The following FLT4 variants were observed in gnomAD, a reference collection of about 807,000 sequenced individuals.
FLT4 encodes vascular endothelial growth factor receptor 3.
FLT4 carries 30 observed loss-of-function variants against 163.2 expected under a neutral mutation model. The observed-to-expected ratio is 0.18, with a 90% CI of 0.14 to 0.25. The LOEUF (loss-of-function observed/expected upper bound fraction) is 0.25. Among genes scored for constraint, FLT4 ranks in the 10% least tolerant of loss-of-function variants. The probability of loss-of-function intolerance (pLI) is 1.00; values close to 1 mark genes in which losing one functional copy is unlikely to be tolerated. For synonymous variants in FLT4, 884 were observed against 789.5 expected, an observed-to-expected ratio of 1.12 and a Z score of -2.01; for missense variants, 1,510 against 1,863.8, an observed-to-expected ratio of 0.81 and a Z score of 3.50.
At chr5:180,650,069 C>A (rs550197976), upstream of FLT4, among the ~76,000 whole-genome samples, 10 of 151,072 alleles carry the variant, frequency 6.6e-5, no homozygotes, top group Middle Eastern at 3.4e-3. Context: ...CGCCTGTAAT[C>A]CCAGCTTCTC....
intron 27 of FLT4, 72 bp downstream of exon 27, chr5:180,611,259 G>T: frequency 6.4e-7 from 1 of 1,552,588 alleles, no homozygotes; most frequent in Non-Finnish European, 8.8e-7. Flanking sequence ...CCCCGATGAC[G>T]CAGAGGGATA....
intron 11 of FLT4, 49 bp from the exon 12 acceptor site, chr5:180,622,888 A>T (rs1338213305): frequency 7.7e-7 from 1 of 1,294,090 alleles, no homozygotes; most frequent in Non-Finnish European, 1.1e-6. Flanking sequence ...AGTTCTCCCA[A>T]CCTGGGCCCT....
intron 29 of FLT4, among the ~76,000 whole-genome samples, chr5:180,608,585 G>T (rs1484100947): frequency 6.6e-6 from 1 of 152,192 alleles, no homozygotes; most frequent in Non-Finnish European, 1.5e-5. Flanking sequence ...TCAGATTACA[G>T]TATCTACCCG....
chr5:180,629,921 G>A (rs1191328348), intron 5 of FLT4, 22 bp downstream of exon 5: 5 of 1,612,168 alleles, frequency 3.1e-6, no homozygotes, highest in Non-Finnish European at 4.2e-6. Context: ...CCGTTACTGG[G>A]AACGGGGCAC....
In FLT4 at chr5:180,617,078, T is replaced by C; in HGVS notation, c.3002-84A>G. 5.2e-6 allele frequency: 5 copies of C among 964,090 alleles called. No individual in the cohort carries two copies. In the South Asian group the frequency reaches 6.5e-5, roughly 13 times the overall value. The allele number at this position is 964,090 out of a possible 1,614,324, so 59.7% of individuals were successfully genotyped here. A position where few individuals can be genotyped will look rare whatever the true frequency, so the allele number is the denominator to read the frequency against. ...AGCCCCAGGGAACAGCTAACAAGCA[T>C]GTCAGCCCCTCTCCTGCCCCTCAGA... On this transcript the variant is annotated intron_variant, in intron 21 of 29. Transcript: ENST00000261937.
intron 1 of FLT4, among the ~76,000 whole-genome samples, chr5:180,647,000 C>T (rs1765523196): frequency 6.6e-6 from 1 of 152,112 alleles, no homozygotes; most frequent in South Asian, 2.1e-4. Flanking sequence ...TCCCCAGGCC[C>T]AAGTAAAGTG....
intron 13 of FLT4, 74 bp downstream of exon 13, chr5:180,621,468 C>G (rs2127816057): frequency 6.3e-7 from 1 of 1,576,892 alleles, no homozygotes; most frequent in Non-Finnish European, 8.6e-7. Flanking sequence ...AGGGGCGAGC[C>G]ACGCCGGGGC....
At position 180,613,882 on chromosome 5, in the gene FLT4, C is replaced by T. The variant is rs181213422; in HGVS notation, c.3331+186G>A. ...GGGTGGCCCACGTTGGAGGCAAAGT[C>T]CTCTCGGAGGCTGGGCCAGGCTGGG... On this transcript the variant is annotated intron_variant, in intron 24 of 29. Coordinates refer to ENST00000261937, the MANE Select transcript of FLT4 (RefSeq NM_182925.5). The T allele has an allele frequency of 9.4e-5, 63 of 667,090 alleles. No individual in the cohort carries two copies. In the Admixed American group the frequency reaches 1.0e-3, roughly 11 times the overall value. The allele number at this position is 667,090 out of a possible 1,614,324, so 41.3% of individuals were successfully genotyped here. A position where few individuals can be genotyped will look rare whatever the true frequency, so the allele number is the denominator to read the frequency against.
chr5:180,602,666 T>G lies in FLT4; in HGVS notation c.*526A>C, dbSNP rs1244338558. 4 of 412,082 alleles carry G rather than the reference T, an allele frequency of 9.7e-6. No homozygotes were observed. 25.5% of individuals were successfully genotyped at this position (412,082 alleles called of 1,614,324 possible). ...GACCCTGCAAATGCCTTCTTTGAGATGGAAACACAGCCCCTCCCTTCAACT... is the reference window on the plus strand; with the variant it reads ...GACCCTGCAAATGCCTTCTTTGAGAGGGAAACACAGCCCCTCCCTTCAACT... On this transcript the variant is annotated 3_prime_UTR_variant, in exon 30 of 30. Coordinates refer to ENST00000261937, the MANE Select transcript of FLT4 (RefSeq NM_182925.5).
At chr5:180,629,602 G>A in intron 6 of FLT4, 94 bp downstream of exon 6, 2 of 1,508,846 alleles carry the variant, frequency 1.3e-6, no homozygotes, top group Non-Finnish European at 1.8e-6. Context: ...GGCAGGCCTG[G>A]GCCCACACAT....
chr5:180,638,702 T>G (rs146881602), intron 1 of FLT4, among the ~76,000 whole-genome samples: 1 of 152,280 alleles, frequency 6.6e-6, no homozygotes, highest in East Asian at 1.9e-4. Flanking sequence ...GATTGTTCTG[T>G]GCCCCCAGGC....
chr5:180,628,179 C>T (rs918099702), intron 8 of FLT4, among the ~76,000 whole-genome samples: 2 of 152,190 alleles, frequency 1.3e-5, no homozygotes, highest in African/African-American at 2.4e-5. Context: ...TCTGCTTCCT[C>T]GTCTATGCAA....
At chr5:180,627,210 CACT>C (rs1481415653) in intron 8 of FLT4, among the ~76,000 whole-genome samples, 1 of 152,200 alleles carries the variant, frequency 6.6e-6, no homozygotes, top group Non-Finnish European at 1.5e-5. Context: ...AGAGATACAC[CACT>C]GTGTCCTGGG....
chr5:180,645,347 G>C (rs1765439497), intron 1 of FLT4, among the ~76,000 whole-genome samples: 1 of 152,242 alleles, frequency 6.6e-6, no homozygotes, highest in Non-Finnish European at 1.5e-5. Context: ...CCGTGGGGCA[G>C]CCAGCTATGC....
chr5:180,606,277 G>C (rs978419698), intron 29 of FLT4, among the ~76,000 whole-genome samples: 1 of 152,170 alleles, frequency 6.6e-6, no homozygotes, highest in African/African-American at 2.4e-5. Flanking sequence ...AGCATCCAAG[G>C]GGCTGCACTC....
rs368835407 is a variant in FLT4 at position 180,621,077 on chromosome 5, C to T, written c.2167+29G>A. ...TCGTCGGCCTCGCGGGCCTCCGGAC[C>T]TGCCCTTCGCCAGGGCCACCCTCCC... On this transcript the variant is annotated intron_variant, in intron 14 of 29. Transcript: ENST00000261937. 21 of 1,612,592 alleles carry T rather than the reference C, an allele frequency of 1.3e-5. No individual in the cohort carries two copies. The Admixed American group carries it at 2.3e-4, about 18-fold the overall frequency.
At position 180,611,348 on chromosome 5, in the gene FLT4, G is replaced by A. The variant is rs777762393; in HGVS notation, c.3669C>T (p.Arg1223=). 3 of 1,613,806 alleles carry A rather than the reference G, an allele frequency of 1.9e-6. No homozygotes were observed. In the African/African-American group the frequency reaches 4.0e-5, roughly 22 times the overall value. The part of the protein sequence containing the change: ...DAEDSPPSLQ[R]HSLAARYYNW... ...CAGCTGACCTGGCGGCCAGGCTGTG[G>A]CGCTGCAGGCTTGGCGGGCTGTCCT... Residue 1223 remains arginine (R), a synonymous_variant, in exon 27 of 30, where the codon CGC becomes CGT. Transcript: ENST00000261937.
At chr5:180,638,102 G>C (rs545263286) in intron 1 of FLT4, among the ~76,000 whole-genome samples, 113 of 152,182 alleles carry the variant, frequency 7.4e-4, no homozygotes, top group African/African-American at 2.5e-3. Context: ...CCTCTCCCCA[G>C]CTCCCCTCTG....
At chr5:180,633,287 G>C (rs189243315) in intron 1 of FLT4, among the ~76,000 whole-genome samples, 346 of 152,340 alleles carry the variant, frequency 2.3e-3, no homozygotes, top group Middle Eastern at 0.017. Context: ...GTCCAGAGCA[G>C]GAAGGGCCTT....
Sources: gnomAD v4.1 joint callset for allele counts (sites outside exome capture counted in the v4.1 genomes callset) on GRCh38, gnomAD v4.1.1 for gene constraint, MANE v1.5 for transcripts, NCBI Gene and HGNC (gene_info 2026-07-23, HGNC 2026-07-21) for gene names.